The following CHFR variants were observed in gnomAD, a reference collection of about 807,000 sequenced individuals.
CHFR encodes checkpoint with forkhead and ring finger domains.
A neutral mutation model predicts 87.6 loss-of-function variants in CHFR; 57 were observed. That is an observed-to-expected ratio of 0.65 (90% confidence interval 0.53 to 0.81). The LOEUF (loss-of-function observed/expected upper bound fraction) is 0.81, where lower values mean the gene tolerates loss of function less well. Ranked by LOEUF, CHFR falls within the 30% of genes least tolerant of loss-of-function variation. CHFR has a pLI of 0.00. For synonymous variants in CHFR, 381 were observed against 359.2 expected (o/e 1.06, Z -0.69); for missense variants, 797 against 865.8 (o/e 0.92, Z 1.00).
At chr12:132,865,653 CTTTTTT>C (rs57560560) in intron 6 of CHFR, among the ~76,000 whole-genome samples, 2 of 58,230 alleles carry the variant, frequency 3.4e-5, no homozygotes, top group South Asian at 7.7e-4. Flanking sequence ...GATTACAGGT[CTTTTTT>C]TTTTTTTTTT....
chr12:132,869,331 G>A (rs1951432315), intron 6 of CHFR, among the ~76,000 whole-genome samples: 5 of 152,080 alleles, frequency 3.3e-5, no homozygotes, highest in Non-Finnish European at 5.9e-5. Context: ...ACCTTGTGAT[G>A]TACTAAAATC....
At chr12:132,878,214 T>C (rs1951674935) in intron 2 of CHFR, among the ~76,000 whole-genome samples, 1 of 152,184 alleles carries the variant, frequency 6.6e-6, no homozygotes, top group Non-Finnish European at 1.5e-5. Flanking sequence ...CTCATACTTG[T>C]AAACCCAGCA....
chr12:132,843,144 T>C (rs1427536840), intron 16 of CHFR, 61 bp from the exon 17 acceptor site: 4 of 1,483,108 alleles, frequency 2.7e-6, no homozygotes, highest in Admixed American at 1.9e-5. Flanking sequence ...CTCAGCTACC[T>C]GAATCCCAGC....
intron 2 of CHFR, among the ~76,000 whole-genome samples, chr12:132,886,000 A>G (rs1951883625): frequency 6.6e-6 from 1 of 152,226 alleles, no homozygotes; most frequent in African/African-American, 2.4e-5. Context: ...GGAATGTAAG[A>G]CTACCAAAAC....
intron 15 of CHFR, among the ~76,000 whole-genome samples, 188 bp downstream of exon 15, chr12:132,846,855 G>A (rs1331136857): frequency 1.3e-5 from 2 of 152,156 alleles, no homozygotes; most frequent in African/African-American, 4.8e-5. Flanking sequence ...ACTCCAGTCT[G>A]GGCAACAAGA....
intron 6 of CHFR, among the ~76,000 whole-genome samples, chr12:132,863,277 G>A (rs1201981895): frequency 6.6e-6 from 1 of 151,338 alleles, no homozygotes; most frequent in East Asian, 2.0e-4. Context: ...GGAGGCCAAG[G>A]TGGGTGGATC....
intron 15 of CHFR, 33 bp from the exon 16 acceptor site, chr12:132,844,167 C>A (rs368950869): frequency 2.9e-6 from 4 of 1,370,810 alleles, no homozygotes. Flanking sequence ...CCCAGCAACA[C>A]CATCTTCCCA....
rs1039131607 is a variant in CHFR at position 132,840,768 on chromosome 12, C to T, written c.*786G>A. On this transcript the variant is annotated 3_prime_UTR_variant, in exon 18 of 18. Transcript: ENST00000450056. ...TGGGACCTGCGTCCAGCCCCAGGCT[C>T]GGGGCCGCGGTCACTCACACAAGGG... is the stretch of plus-strand genomic sequence containing the variant. 12 of 151,220 alleles carry T rather than the reference C, an allele frequency of 7.9e-5. No individual in the cohort carries two copies. The highest frequency in any genetic ancestry group is 2.7e-4 in the African/African-American group (11 of 40,882). 9.4% of individuals were successfully genotyped at this position (151,220 alleles called of 1,614,324 possible). A position where few individuals can be genotyped will look rare whatever the true frequency, so the allele number is the denominator to read the frequency against.
Position 132,852,148 on chromosome 12 carries a change from T to TA in CHFR, c.1373-412_1373-411insT, listed in dbSNP as rs937744358. On this transcript the variant is annotated intron_variant, in intron 11 of 17. Transcript: ENST00000450056. ...ACAGGTGCCTGCCACGCCTGGCTAA[T>TA]TTTTTTTTTTTTTGTATTTTTAGTA... Among the ~76,000 whole-genome samples, 3 of 117,272 alleles carry TA rather than the reference T, an allele frequency of 2.6e-5. No individual in the cohort carries two copies. In the East Asian group the frequency reaches 2.6e-3, roughly 100 times the overall value. 76.9% of individuals were successfully genotyped at this position (117,272 alleles called of 152,430 possible).
chr12:132,860,923 T>C (rs1350561024), intron 7 of CHFR, among the ~76,000 whole-genome samples: 2 of 152,176 alleles, frequency 1.3e-5, no homozygotes, highest in African/African-American at 4.8e-5. Context: ...CAGCTAATTT[T>C]TGCATTTTTA....
At chr12:132,868,813 C>A (rs1356249827) in intron 6 of CHFR, among the ~76,000 whole-genome samples, 1 of 137,870 alleles carries the variant, frequency 7.3e-6, no homozygotes, top group African/African-American at 2.7e-5. Flanking sequence ...CTGATGGGGC[C>A]GAGGGGAAGG....
intron 4 of CHFR, among the ~76,000 whole-genome samples, chr12:132,871,561 C>T (rs1455529014): frequency 4.6e-5 from 7 of 151,674 alleles, no homozygotes; most frequent in Admixed American, 2.6e-4. Flanking sequence ...CACCTGAGGT[C>T]GGGAGTTTGA....
chr12:132,860,549 A>C (rs555535681), intron 7 of CHFR, among the ~76,000 whole-genome samples: 1 of 152,326 alleles, frequency 6.6e-6, no homozygotes, highest in African/African-American at 2.4e-5. Flanking sequence ...CCCCTCCTAG[A>C]ACCTTCCTGT....
chr12:132,870,104 G>A (rs1312811694), intron 5 of CHFR, among the ~76,000 whole-genome samples: 1 of 152,024 alleles, frequency 6.6e-6, no homozygotes, highest in African/African-American at 2.4e-5. Flanking sequence ...TGTAATCCCA[G>A]CACTTTGGGA....
intron 11 of CHFR, 100 bp from the exon 12 acceptor site, chr12:132,851,837 T>C (rs1950953908): frequency 4.3e-6 from 6 of 1,405,096 alleles, no homozygotes; most frequent in Non-Finnish European, 5.7e-6. Flanking sequence ...GAGGTGCACC[T>C]GAGACAGCCG....
In CHFR at chr12:132,834,328, G is replaced by C. The variant is rs1007877682; in HGVS notation, c.*7226C>G. 6.6e-6 allele frequency: 1 copy of C among 152,454 alleles called. No individual in the cohort carries two copies. The highest frequency in any genetic ancestry group is 1.5e-5 in the Non-Finnish European group (1 of 68,262). 9.4% of individuals were successfully genotyped at this position (152,454 alleles called of 1,614,324 possible). On this transcript the variant is annotated 3_prime_UTR_variant, in exon 18 of 18. Coordinates refer to ENST00000450056, the MANE Select transcript of CHFR (RefSeq NM_001161346.2). ...GAGCAGGGGAGAGGGTGAAGCGGAT[G>C]TTGGGTGCTCAGCCATGCCCCACAC...
At chr12:132,843,129 AC>A in intron 16 of CHFR, 46 bp from the exon 17 acceptor site, 1 of 1,547,792 alleles carries the variant, frequency 6.5e-7, no homozygotes, top group Non-Finnish European at 8.9e-7. Flanking sequence ...TATTGCACGC[AC>A]CCACTCAGCT....
At chr12:132,851,999 T>G (rs994690850) in intron 11 of CHFR, among the ~76,000 whole-genome samples, 1 of 147,584 alleles carries the variant, frequency 6.8e-6, no homozygotes, top group Non-Finnish European at 1.5e-5. Context: ...TCTTTTTTTT[T>G]TTGAGACAGA....
chr12:132,847,537 G>A, intron 14 of CHFR: 1 of 1,075,070 alleles, frequency 9.3e-7, no homozygotes, highest in Non-Finnish European at 1.1e-6. Flanking sequence ...TCCTTCTGTG[G>A]GCATCAAAGC....
Sources: gnomAD v4.1 joint callset for allele counts (sites outside exome capture counted in the v4.1 genomes callset) on GRCh38, gnomAD v4.1.1 for gene constraint, MANE v1.5 for transcripts, NCBI Gene and HGNC (gene_info 2026-07-23, HGNC 2026-07-21) for gene names.